The following FRMD4A variants were observed in gnomAD, a reference collection of about 807,000 sequenced individuals.
FRMD4A encodes FERM domain containing 4A.
A neutral mutation model predicts 129.1 loss-of-function variants in FRMD4A; 29 were observed. The ratio of observed to expected loss-of-function variants is 0.22; its 90% confidence interval spans 0.17 to 0.31. The LOEUF (loss-of-function observed/expected upper bound fraction) is 0.31. FRMD4A is among the 10% of genes least tolerant of loss of function. The pLI, the probability that FRMD4A is intolerant of heterozygous loss-of-function variation, is 1.00. For synonymous variants in FRMD4A, 634 were observed against 571.6 expected (o/e 1.11, Z -1.56); for missense variants, 1,272 against 1,375.8 (o/e 0.92, Z 1.19).
At chr10:13,955,300 GT>G (rs1224064880) in intron 2 of FRMD4A, among the ~76,000 whole-genome samples, 1 of 152,016 alleles carries the variant, frequency 6.6e-6, no homozygotes, top group Non-Finnish European at 1.5e-5. Context: ...TGGAGACGGG[GT>G]TTCGCCATGT....
At chr10:14,120,159 T>C (rs1182919519) in intron 2 of FRMD4A, among the ~76,000 whole-genome samples, 1 of 152,164 alleles carries the variant, frequency 6.6e-6, no homozygotes, top group Non-Finnish European at 1.5e-5. Flanking sequence ...TATTCCTTTA[T>C]ACCTCCATCA....
At chr10:14,135,518 C>A (rs1463862156) in intron 2 of FRMD4A, among the ~76,000 whole-genome samples, 3 of 152,198 alleles carry the variant, frequency 2.0e-5, no homozygotes, top group Admixed American at 1.3e-4. Context: ...ATTCTGGGGG[C>A]TGCCTGATTC....
intron 6 of FRMD4A, among the ~76,000 whole-genome samples, chr10:13,782,131 C>T (rs1454194870): frequency 7.3e-6 from 1 of 137,810 alleles, no homozygotes; most frequent in Admixed American, 7.3e-5. Context: ...AATGTATGTG[C>T]ATTTTACAAT....
chr10:14,201,989 T>C (rs1842650676), intron 2 of FRMD4A, among the ~76,000 whole-genome samples: 1 of 151,602 alleles, frequency 6.6e-6, no homozygotes, highest in Admixed American at 6.6e-5. Flanking sequence ...AACAAACAAA[T>C]TAGCTGGGCA....
At chr10:13,820,337 C>A (rs1341758295) in intron 3 of FRMD4A, among the ~76,000 whole-genome samples, 2 of 152,072 alleles carry the variant, frequency 1.3e-5, no homozygotes, top group African/African-American at 2.4e-5. Flanking sequence ...GATCTCAGTG[C>A]GAAGCCTGCA....
At chr10:13,647,639 T>C (rs780606841) in intron 24 of FRMD4A, 19 of 152,192 alleles carry the variant, frequency 1.2e-4, no homozygotes, top group Admixed American at 2.0e-4. Flanking sequence ...AAATCAATGA[T>C]GACTTTGCTT....
intron 2 of FRMD4A, among the ~76,000 whole-genome samples, chr10:14,218,356 C>T (rs1324532111): frequency 6.6e-6 from 1 of 152,192 alleles, no homozygotes; most frequent in Non-Finnish European, 1.5e-5. Context: ...AATGTTCATT[C>T]TCTGCCACAG....
At chr10:14,215,628 C>G (rs149096616) in intron 2 of FRMD4A, among the ~76,000 whole-genome samples, 1 of 151,976 alleles carries the variant, frequency 6.6e-6, no homozygotes, top group African/African-American at 2.4e-5. Context: ...AATTCCCCAC[C>G]GAATACGGTG....
chr10:13,912,741 G>A (rs537122148), intron 2 of FRMD4A, among the ~76,000 whole-genome samples: 365 of 151,956 alleles, frequency 2.4e-3, no homozygotes, highest in Non-Finnish European at 4.0e-3. Flanking sequence ...GTGTTAGCCA[G>A]GATGGTCTCG....
At chr10:13,816,399 A>G (rs140723265) in intron 3 of FRMD4A, among the ~76,000 whole-genome samples, 1 of 152,330 alleles carries the variant, frequency 6.6e-6, no homozygotes, top group East Asian at 1.9e-4. Flanking sequence ...ATGTAGTGAG[A>G]GTGAGAAATA....
chr10:13,668,201 G>T (rs1379571494), intron 17 of FRMD4A: 1 of 152,256 alleles, frequency 6.6e-6, no homozygotes, highest in African/African-American at 2.4e-5. Flanking sequence ...TCCTGCCAAG[G>T]CTGGCTGCGC....
At chr10:14,239,782 G>A (rs761559508) in intron 2 of FRMD4A, among the ~76,000 whole-genome samples, 2 of 152,204 alleles carry the variant, frequency 1.3e-5, no homozygotes, top group Non-Finnish European at 1.5e-5. Context: ...ACAGAGAATA[G>A]GAGAAAGAGA....
At chr10:13,720,644 A>G (rs1008847519) in intron 12 of FRMD4A, among the ~76,000 whole-genome samples, 2 of 152,218 alleles carry the variant, frequency 1.3e-5, no homozygotes, top group African/African-American at 4.8e-5. Context: ...GGTTTGAAGC[A>G]CAAATGGGAA....
intron 2 of FRMD4A, among the ~76,000 whole-genome samples, chr10:13,910,657 G>A (rs1294815970): frequency 6.6e-6 from 1 of 152,134 alleles, no homozygotes; most frequent in African/African-American, 2.4e-5. Flanking sequence ...TGTTGAATAT[G>A]TTTTAATTTG....
chr10:14,129,137 C>T (rs745348320), intron 2 of FRMD4A, among the ~76,000 whole-genome samples: 2 of 151,818 alleles, frequency 1.3e-5, no homozygotes, highest in African/African-American at 4.8e-5. Context: ...GAGAATCAAC[C>T]TTTCCATGAA....
intron 2 of FRMD4A, among the ~76,000 whole-genome samples, chr10:14,297,112 G>T (rs1456281775): frequency 6.6e-6 from 1 of 151,022 alleles, no homozygotes; most frequent in African/African-American, 2.4e-5. Flanking sequence ...CTCTCCACAG[G>T]TTCTTTTCAG....
At chr10:13,658,542 C>T (rs115352381) in intron 21 of FRMD4A, among the ~76,000 whole-genome samples, 1,944 of 152,272 alleles carry the variant, frequency 0.013, 48 homozygotes, top group African/African-American at 0.044. Flanking sequence ...GGGATGAAAG[C>T]CCCCATCACG....
chr10:13,854,482 G>A (rs2094186079), intron 3 of FRMD4A, among the ~76,000 whole-genome samples: 1 of 151,984 alleles, frequency 6.6e-6, no homozygotes, highest in Non-Finnish European at 1.5e-5. Flanking sequence ...GTGCAGTGGT[G>A]TGATCTTGGC....
At chr10:14,094,804 T>G (rs1212248315) in intron 2 of FRMD4A, among the ~76,000 whole-genome samples, 1 of 152,196 alleles carries the variant, frequency 6.6e-6, no homozygotes, top group African/African-American at 2.4e-5. Flanking sequence ...AAAGATGCAC[T>G]GAAGATTTGC....
Sources: allele counts gnomAD v4.1 joint callset (sites outside exome capture counted in the v4.1 genomes callset), GRCh38; gene constraint gnomAD v4.1.1; transcripts MANE v1.5; gene names NCBI Gene and HGNC (gene_info 2026-07-23, HGNC 2026-07-21).